Variants in RBFOX1 observed in about 807,000 individuals in gnomAD.
RBFOX1 encodes RNA binding protein fox-1 homolog 1.
In RBFOX1, 8 loss-of-function variants were observed where a neutral mutation model predicts 57.7. The ratio of observed to expected loss-of-function variants is 0.14; its 90% CI spans 0.08 to 0.25. The LOEUF (loss-of-function observed/expected upper bound fraction) is 0.25, where lower values mean the gene tolerates loss of function less well. Among genes scored for constraint, RBFOX1 ranks in the 10% least tolerant of loss-of-function variants. The pLI, the probability that RBFOX1 is intolerant of heterozygous loss-of-function variation, is 1.00. For synonymous variants in RBFOX1, 326 were observed against 222.4 expected (o/e 1.47, Z -4.15); for missense variants, 611 against 548.5 (o/e 1.11, Z -1.14).
At chr16:6,990,576 C>T (rs1319264547) in intron 3 of RBFOX1, among the ~76,000 whole-genome samples, 5 of 151,930 alleles carry the variant, frequency 3.3e-5, no homozygotes, top group Non-Finnish European at 7.4e-5. Context: ...ATACTGTGTC[C>T]CATAAAATAT....
intron 4 of RBFOX1, among the ~76,000 whole-genome samples, chr16:7,060,187 A>G (rs1444713239): frequency 6.6e-6 from 1 of 152,158 alleles, no homozygotes; most frequent in East Asian, 1.9e-4. Flanking sequence ...CATTGCCCCC[A>G]CTCGACACTG....
chr16:5,912,112 G>A (rs939787228), intron 4 of RBFOX1, among the ~76,000 whole-genome samples: 1 of 152,136 alleles, frequency 6.6e-6, no homozygotes, highest in African/African-American at 2.4e-5. Context: ...TTTGGGGATT[G>A]GACAGACCTG....
chr16:6,631,362 A>G (rs1156865711), intron 2 of RBFOX1, among the ~76,000 whole-genome samples: 1 of 152,144 alleles, frequency 6.6e-6, no homozygotes, highest in Non-Finnish European at 1.5e-5. Context: ...TATAAAGAAG[A>G]TGAAGTAGAA....
intron 4 of RBFOX1, among the ~76,000 whole-genome samples, chr16:7,139,092 C>G (rs1265954923): frequency 6.6e-6 from 1 of 152,046 alleles, no homozygotes; most frequent in Admixed American, 6.6e-5. Context: ...GCATGAGCCA[C>G]CATGCATGGT....
intron 1 of RBFOX1, among the ~76,000 whole-genome samples, chr16:5,300,581 T>G (rs1367045140): frequency 6.6e-6 from 1 of 152,164 alleles, no homozygotes; most frequent in East Asian, 1.9e-4. Context: ...AATAATTATA[T>G]TATTTATTTT....
At chr16:7,273,192 T>TCCTGCCTC (rs1567985356) in intron 4 of RBFOX1, among the ~76,000 whole-genome samples, 2 of 62,398 alleles carry the variant, frequency 3.2e-5, no homozygotes, top group Non-Finnish European at 6.0e-5. Flanking sequence ...CTTCCTCCCT[T>TCCTGCCTC]CCTTCCTCCC....
At chr16:6,058,525 G>A (rs939441791) in intron 1 of RBFOX1, among the ~76,000 whole-genome samples, 3 of 151,922 alleles carry the variant, frequency 2.0e-5, no homozygotes, top group Non-Finnish European at 2.9e-5. Flanking sequence ...AGAAAATATC[G>A]AGATCCGTCT....
Position 7,685,763 on chromosome 16 carries a change from C to G in RBFOX1, c.995+8925C>G, listed in dbSNP as rs374780896. Among the ~76,000 whole-genome samples the G allele has an allele frequency of 1.6e-4, 24 of 152,080 alleles. No individual in the cohort carries two copies. The South Asian group carries it at 4.6e-3, about 29-fold the overall frequency. On this transcript the variant is annotated intron_variant, in intron 14 of 15. Coordinates refer to ENST00000550418, the MANE Select transcript of RBFOX1 (RefSeq NM_018723.4). ...GCAATCTCTAAGACACACTGTAACA[C>G]TAACCCTCTGGGAACCTGTGCCTTG...
intron 4 of RBFOX1, among the ~76,000 whole-genome samples, chr16:7,360,711 G>T (rs1009283679): frequency 3.3e-5 from 5 of 152,172 alleles, no homozygotes; most frequent in Non-Finnish European, 7.3e-5. Flanking sequence ...TCTGGATAAT[G>T]CTGTCAACAC....
chr16:7,058,706 G>A (rs1363140774), intron 4 of RBFOX1, among the ~76,000 whole-genome samples: 2 of 152,022 alleles, frequency 1.3e-5, no homozygotes, highest in Non-Finnish European at 2.9e-5. Context: ...AATTATTGTT[G>A]GATATTAATG....
intron 3 of RBFOX1, among the ~76,000 whole-genome samples, chr16:6,956,966 A>T (rs907828351): frequency 6.6e-6 from 1 of 152,088 alleles, no homozygotes; most frequent in Non-Finnish European, 1.5e-5. Context: ...CACAAGAAAG[A>T]ATTCAGGGCA....
At chr16:7,199,820 A>G (rs916626489) in intron 4 of RBFOX1, among the ~76,000 whole-genome samples, 9 of 152,090 alleles carry the variant, frequency 5.9e-5, no homozygotes, top group African/African-American at 2.2e-4. Context: ...GCTTGAACCC[A>G]GGAGGTGGAG....
At chr16:6,291,929 T>G (rs893131976) in intron 1 of RBFOX1, among the ~76,000 whole-genome samples, 2 of 151,610 alleles carry the variant, frequency 1.3e-5, no homozygotes, top group African/African-American at 4.9e-5. Context: ...TCAAAAGTTA[T>G]AGACTCTGTG....
intron 4 of RBFOX1, among the ~76,000 whole-genome samples, chr16:5,956,276 A>C (rs1418662352): frequency 1.3e-5 from 2 of 152,304 alleles, no homozygotes; most frequent in East Asian, 3.9e-4. Context: ...ACTGTTTCAA[A>C]ATGAACAAAC....
At chr16:7,365,487 T>C (rs1241471770) in intron 4 of RBFOX1, among the ~76,000 whole-genome samples, 2 of 152,226 alleles carry the variant, frequency 1.3e-5, no homozygotes, top group Admixed American at 6.5e-5. Context: ...GAGTGATTTT[T>C]TTCCCCCCCA....
chr16:6,142,597 G>T (rs950272488), intron 1 of RBFOX1, among the ~76,000 whole-genome samples: 7 of 152,140 alleles, frequency 4.6e-5, no homozygotes, highest in African/African-American at 1.7e-4. Context: ...GAAGGCAATG[G>T]CTCTGCCTTT....
At chr16:6,773,824 G>T in intron 3 of RBFOX1, 2 of 314,092 alleles carry the variant, frequency 6.4e-6, no homozygotes, top group Non-Finnish European at 9.2e-6. Flanking sequence ...TTTGTGTTGT[G>T]GGGGCATGGG....
chr16:6,726,736 G>A (rs940381108), intron 3 of RBFOX1, among the ~76,000 whole-genome samples: 2 of 152,034 alleles, frequency 1.3e-5, no homozygotes, highest in East Asian at 1.9e-4. Flanking sequence ...TGTGGCTGCT[G>A]CTTCCTAAAA....
chr16:6,077,209 C>T (rs12922851), intron 1 of RBFOX1, among the ~76,000 whole-genome samples: 57,534 of 151,734 alleles, frequency 0.38, 12,002 homozygotes, highest in Non-Finnish European at 0.49. Flanking sequence ...CAGCCCCTGC[C>T]ACGGTTCTCT....
Sources: gnomAD v4.1 joint callset for allele counts (sites outside exome capture counted in the v4.1 genomes callset) on GRCh38, gnomAD v4.1.1 for gene constraint, MANE v1.5 for transcripts, NCBI Gene and HGNC (gene_info 2026-07-23, HGNC 2026-07-21) for gene names.